Variants in SLCO4C1 observed in about 807,000 individuals in gnomAD.
The protein encoded by SLCO4C1 is organic anion transporter M1.
In SLCO4C1, 58 loss-of-function variants were observed where a neutral mutation model predicts 72.1. The observed-to-expected ratio is 0.80, with a 90% CI of 0.65 to 1.00. The LOEUF is 1.00. Among genes scored for constraint, SLCO4C1 ranks in the 50% least tolerant of loss-of-function variants. The probability of loss-of-function intolerance (pLI) is 0.00; values close to 1 mark genes in which losing one functional copy is unlikely to be tolerated. For synonymous variants in SLCO4C1, 297 were observed against 312.5 expected, an observed-to-expected ratio of 0.95 and a Z score of 0.52; for missense variants, 898 against 857.9, an observed-to-expected ratio of 1.05 and a Z score of -0.58.
intron 10 of SLCO4C1, among the ~76,000 whole-genome samples, chr5:102,241,096 T>C (rs1748531807): frequency 2.0e-5 from 3 of 152,080 alleles, no homozygotes; most frequent in Admixed American, 2.0e-4. Context: ...AAATTATGTA[T>C]AGAAGGAGTG....
intron 8 of SLCO4C1, among the ~76,000 whole-genome samples, chr5:102,254,354 C>T (rs182598671): frequency 1.3e-5 from 2 of 152,210 alleles, no homozygotes; most frequent in Admixed American, 6.5e-5. Context: ...CCAGAGTACA[C>T]GATCAGTTTA....
In SLCO4C1 at chr5:102,260,241, CT is replaced by C; in HGVS notation, c.1099del (p.Ser367ValfsTer9). ...NSNADVKFGKSIKDFPAALKN... is the reference protein window; with the variant it reads ...NSNADVKFGKXIKDFPAALKN... The stretch of plus-strand genomic sequence containing the variant: ...TAGAGCAGCTGGAAAATCTTTAATA[CT>C]TTTTCCAAATTTCACATCTGCATTA... On this transcript the variant is annotated frameshift_variant, in exon 6 of 13. Coordinates refer to ENST00000310954, the MANE Select transcript of SLCO4C1 (RefSeq NM_180991.5). LOFTEE classifies it high-confidence loss of function. The C allele has an allele frequency of 3.6e-6, 5 of 1,393,682 alleles. No individual in the cohort carries two copies. Among genetic ancestry groups the C allele is most frequent in the South Asian group, 2.0e-5 (1 of 50,048 alleles). 86.3% of individuals were successfully genotyped at this position (1,393,682 alleles called of 1,614,324 possible).
chr5:102,284,625 C>T (rs1483691256), intron 2 of SLCO4C1, among the ~76,000 whole-genome samples: 3 of 139,250 alleles, frequency 2.2e-5, no homozygotes, highest in East Asian at 4.0e-4. Flanking sequence ...AACTGCTTAG[C>T]GTTCTTCTTT....
At position 102,236,475 on chromosome 5, in the gene SLCO4C1, CA is replaced by C. The variant is rs1748433780; in HGVS notation, c.*382del. The C allele has an allele frequency of 6.5e-6, 1 of 154,378 alleles. No homozygotes were observed. The allele number at this position is 154,378 out of a possible 1,614,324, so 9.6% of individuals were successfully genotyped here. On this transcript the variant is annotated 3_prime_UTR_variant, in exon 13 of 13. Coordinates refer to ENST00000310954, the MANE Select transcript of SLCO4C1 (RefSeq NM_180991.5). ...CAAGTTGTAATGGGGATAGAAACAA[CA>C]TTTTTTTTAAATGTAAATTTTTCTA...
chr5:102,271,716 A>T lies in SLCO4C1; in HGVS notation c.620-910T>A, dbSNP rs568968674. On this transcript the variant is annotated intron_variant, in intron 2 of 12. Transcript: ENST00000310954. Reference sequence around the variant, plus strand: ...TTTTTTTCTGTGAACTAATTTTTCAATTAGTTCAATTTTCCTAGGTTCTGA... The same window carrying T: ...TTTTTTTCTGTGAACTAATTTTTCATTTAGTTCAATTTTCCTAGGTTCTGA... 2.6e-5 allele frequency among the ~76,000 whole-genome samples: 4 copies of T among 152,050 alleles called. No homozygotes were observed. In the South Asian group the frequency reaches 8.3e-4, roughly 32 times the overall value.
intron 2 of SLCO4C1, among the ~76,000 whole-genome samples, chr5:102,288,416 C>T (rs1338744595): frequency 6.6e-6 from 1 of 152,128 alleles, no homozygotes; most frequent in African/African-American, 2.4e-5. Context: ...TCCTATAAAA[C>T]ACACTGAGAA....
Position 102,284,541 on chromosome 5 carries a change from C to T in SLCO4C1, c.619+6802G>A, listed in dbSNP as rs564702403. Among the ~76,000 whole-genome samples, 3 of 152,238 alleles carry T rather than the reference C, an allele frequency of 2.0e-5. No individual in the cohort carries two copies. The East Asian group carries it at 5.8e-4, about 29-fold the overall frequency. On this transcript the variant is annotated intron_variant, in intron 2 of 12. Transcript: ENST00000310954. ...GACAAGTATAACAACGGAGCCTCTTCATCAACTCTACATATCATACCCCTA... is the reference window on the plus strand; with the variant it reads ...GACAAGTATAACAACGGAGCCTCTTTATCAACTCTACATATCATACCCCTA...
chr5:102,270,766 A>C lies in SLCO4C1; in HGVS notation c.660T>G (p.Ser220=), dbSNP rs1170486758. 1.2e-6 allele frequency: 2 copies of C among 1,612,490 alleles called. No individual in the cohort carries two copies. Among genetic ancestry groups the C allele is most frequent in the South Asian group, 2.2e-5 (2 of 90,890 alleles). ...VTTRNSTSCT[S]STSSLSNYLY... is the part of the protein sequence containing the mutation. ...AGTAGTTAGAAAGTGAAGAAGTTGA[A>C]GATGTACAACTGGTGCTATTCCTTG... is the stretch of plus-strand genomic sequence containing the variant. The change falls in exon 3 of 13, where the codon TCT becomes TCG. Residue 220 remains serine, a synonymous_variant. Transcript: ENST00000310954.
At position 102,249,770 on chromosome 5, in the gene SLCO4C1, G is replaced by A. The variant is rs1748703972; in HGVS notation, c.1488C>T (p.Asn496=). ...ESYNGTGELG[N]LIAPCNANCN... ...AATTGGCATTACAAGGGGCTATCAAGTTTCCCAATTCTCCAGTCCTGTAAA... is the reference window on the plus strand; with the variant it reads ...AATTGGCATTACAAGGGGCTATCAAATTTCCCAATTCTCCAGTCCTGTAAA... Residue 496 remains asparagine, a synonymous_variant, in exon 9 of 13, where the codon AAC becomes AAT. Coordinates refer to ENST00000310954, the MANE Select transcript of SLCO4C1 (RefSeq NM_180991.5). The A allele has an allele frequency of 5.6e-6, 9 of 1,613,478 alleles. No individual in the cohort carries two copies. In the Admixed American group the frequency reaches 8.4e-5, roughly 15 times the overall value.
chr5:102,271,548 C>A (rs998782517), intron 2 of SLCO4C1, among the ~76,000 whole-genome samples: 13 of 151,664 alleles, frequency 8.6e-5, no homozygotes, highest in Non-Finnish European at 1.5e-4. Flanking sequence ...GCAATCCCAC[C>A]AACAATTCAT....
chr5:102,291,175 C>A (rs1749541294), intron 2 of SLCO4C1, among the ~76,000 whole-genome samples, 168 bp downstream of exon 2: 1 of 152,190 alleles, frequency 6.6e-6, no homozygotes, highest in South Asian at 2.1e-4. Flanking sequence ...AATGTACAGT[C>A]TCTCTAATCT....
At chr5:102,270,063 C>T (rs1335049303) in intron 3 of SLCO4C1, among the ~76,000 whole-genome samples, 1 of 151,948 alleles carries the variant, frequency 6.6e-6, no homozygotes, top group Non-Finnish European at 1.5e-5. Flanking sequence ...GTTAGATTAA[C>T]AGACTGATAA....
chr5:102,288,259 T>G (rs937739429), intron 2 of SLCO4C1, among the ~76,000 whole-genome samples: 1 of 152,144 alleles, frequency 6.6e-6, no homozygotes, highest in African/African-American at 2.4e-5. Flanking sequence ...ACTAAAAAAC[T>G]CCAAACCCGA....
At chr5:102,288,860 C>T (rs935822049) in intron 2 of SLCO4C1, among the ~76,000 whole-genome samples, 17 of 152,286 alleles carry the variant, frequency 1.1e-4, no homozygotes, top group Non-Finnish European at 2.4e-4. Flanking sequence ...TTCTATTTGT[C>T]TCTTTACCCA....
intron 8 of SLCO4C1, among the ~76,000 whole-genome samples, chr5:102,252,349 G>A (rs944164841): frequency 1.3e-5 from 2 of 152,134 alleles, no homozygotes; most frequent in African/African-American, 2.4e-5. Flanking sequence ...GACTAAATCA[G>A]TAGGGAGTCT....
chr5:102,244,515 G>T (rs1021710832), intron 10 of SLCO4C1, among the ~76,000 whole-genome samples: 3 of 152,062 alleles, frequency 2.0e-5, no homozygotes, highest in African/African-American at 7.2e-5. Flanking sequence ...CCTAGAGAAA[G>T]ATATCAATAT....
intron 2 of SLCO4C1, among the ~76,000 whole-genome samples, chr5:102,282,474 C>T (rs960478760): frequency 1.3e-5 from 2 of 151,762 alleles, no homozygotes; most frequent in Admixed American, 1.3e-4. Context: ...CCCATAGAAC[C>T]TCTCTAACCA....
intron 10 of SLCO4C1, among the ~76,000 whole-genome samples, chr5:102,246,892 T>C (rs1174152869): frequency 1.3e-5 from 2 of 152,170 alleles, no homozygotes; most frequent in Non-Finnish European, 2.9e-5. Context: ...CAGTGCCTAA[T>C]GCATAAGGTA....
intron 2 of SLCO4C1, among the ~76,000 whole-genome samples, chr5:102,285,194 A>G (rs1749426823): frequency 7.4e-6 from 1 of 135,106 alleles, no homozygotes; most frequent in South Asian, 2.3e-4. Flanking sequence ...ACCATCCAGG[A>G]TAATTCATAT....
Sources: gnomAD v4.1 joint callset for allele counts (sites outside exome capture counted in the v4.1 genomes callset) on GRCh38, gnomAD v4.1.1 for gene constraint, MANE v1.5 for transcripts, NCBI Gene and HGNC (gene_info 2026-07-23, HGNC 2026-07-21) for gene names.